ZFYVE9: variants seen among roughly 807,000 people sequenced by gnomAD.
ZFYVE9 encodes the protein zinc finger FYVE-type containing 9, also known as zinc finger FYVE domain-containing protein 9.
Under a neutral mutation model 126.7 loss-of-function variants are expected in ZFYVE9, and 43 were observed. That is an observed-to-expected ratio of 0.34 (90% confidence interval 0.27 to 0.44). The LOEUF is 0.44. ZFYVE9 is among the 20% of genes least tolerant of loss of function. ZFYVE9 has a pLI of 1.00. For missense variants in ZFYVE9, 1,476 were observed against 1,697.0 expected (o/e 0.87, Z 2.29); for synonymous variants, 521 against 597.4 (o/e 0.87, Z 1.87).
intron 1 of ZFYVE9, among the ~76,000 whole-genome samples, chr1:52,196,336 C>G (rs1461064981): frequency 6.6e-6 from 1 of 151,954 alleles, no homozygotes; most frequent in Non-Finnish European, 1.5e-5. Flanking sequence ...GTGTGAAGAT[C>G]AACACATTAT....
intron 1 of ZFYVE9, among the ~76,000 whole-genome samples, chr1:52,148,949 T>G (rs1463235626): frequency 2.4e-5 from 1 of 41,696 alleles, no homozygotes; most frequent in Admixed American, 2.9e-4. Context: ...TTAACATGAT[T>G]TTTTTTTTTT....
intron 1 of ZFYVE9, among the ~76,000 whole-genome samples, chr1:52,189,465 G>C (rs1236582820): frequency 2.0e-5 from 3 of 151,956 alleles, no homozygotes; most frequent in Admixed American, 2.0e-4. Flanking sequence ...TCTAACTCCT[G>C]ACCTCAAATG....
chr1:52,303,994 A>G, intron 13 of ZFYVE9, 69 bp downstream of exon 13: 3 of 1,027,258 alleles, frequency 2.9e-6, no homozygotes, highest in South Asian at 2.0e-5. Context: ...ATGCATGATT[A>G]TATATAAATT....
chr1:52,172,031 T>A (rs572339947), intron 1 of ZFYVE9, among the ~76,000 whole-genome samples: 2 of 152,222 alleles, frequency 1.3e-5, no homozygotes, highest in South Asian at 4.1e-4. Context: ...AATTTTGGCT[T>A]TTGTTGCCAT....
intron 1 of ZFYVE9, among the ~76,000 whole-genome samples, chr1:52,193,818 A>C (rs1349250895): frequency 1.3e-5 from 2 of 151,076 alleles, no homozygotes; most frequent in Non-Finnish European, 2.9e-5. Flanking sequence ...ACACACACAC[A>C]TGTGTCCAAG....
chr1:52,292,759 G>A (rs961415147), intron 10 of ZFYVE9, among the ~76,000 whole-genome samples: 18 of 151,922 alleles, frequency 1.2e-4, no homozygotes, highest in Middle Eastern at 3.2e-3. Context: ...GTGAGCCACC[G>A]CACCCGGCCT....
intron 11 of ZFYVE9, among the ~76,000 whole-genome samples, chr1:52,294,777 G>T (rs1645957180): frequency 1.3e-5 from 2 of 152,216 alleles, no homozygotes. Flanking sequence ...CAGGGAAAGG[G>T]AAGGATTGTG....
At chr1:52,173,607 A>T (rs1309114876) in intron 1 of ZFYVE9, among the ~76,000 whole-genome samples, 1 of 152,172 alleles carries the variant, frequency 6.6e-6, no homozygotes, top group Non-Finnish European at 1.5e-5. Flanking sequence ...CTCTGGTAGA[A>T]TTCGGCTGTG....
At chr1:52,165,729 C>A (rs1191513960) in intron 1 of ZFYVE9, among the ~76,000 whole-genome samples, 1 of 152,146 alleles carries the variant, frequency 6.6e-6, no homozygotes, top group East Asian at 1.9e-4. Context: ...ACTCTGGATT[C>A]TTCTGACAGA....
intron 4 of ZFYVE9, among the ~76,000 whole-genome samples, chr1:52,243,334 G>T (rs1176627522): frequency 6.6e-6 from 1 of 152,148 alleles, no homozygotes; most frequent in South Asian, 2.1e-4. Context: ...AAAAAATGGG[G>T]GTGGGAGAAG....
chr1:52,178,278 CAAAAAA>C lies in ZFYVE9; in HGVS notation c.-143+35895_-143+35900del, dbSNP rs78982846. Among the ~76,000 whole-genome samples the C allele has an allele frequency of 9.7e-4, 19 of 19,610 alleles. No homozygotes were observed. The East Asian group carries it at 0.02, about 21-fold the overall frequency. The allele number at this position is 19,610 out of a possible 152,430, so 12.9% of individuals were successfully genotyped here. ...TGGGTGACAGAGCAAGACTCCATCT[CAAAAAA>C]AAAAAAAAAAAAAAAAAAAGGTAGG... On this transcript the variant is annotated intron_variant, in intron 1 of 18. Transcript: ENST00000287727.
At chr1:52,295,841 T>C in intron 11 of ZFYVE9, 54 bp from the exon 12 acceptor site, 1 of 1,452,786 alleles carries the variant, frequency 6.9e-7, no homozygotes, top group Non-Finnish European at 9.6e-7. Context: ...GAAATCTCTT[T>C]TACCAAAGTT....
intron 13 of ZFYVE9, among the ~76,000 whole-genome samples, chr1:52,328,451 CTTG>C (rs1326232380): frequency 6.6e-6 from 1 of 152,116 alleles, no homozygotes; most frequent in Non-Finnish European, 1.5e-5. Flanking sequence ...AAACTCTGCT[CTTG>C]TTGTAACTGA....
At chr1:52,314,472 AAGAG>A (rs1486992505) in intron 13 of ZFYVE9, among the ~76,000 whole-genome samples, 1 of 152,226 alleles carries the variant, frequency 6.6e-6, no homozygotes, top group Non-Finnish European at 1.5e-5. Context: ...ACTTGAGGCC[AAGAG>A]TTCGAGACCA....
At chr1:52,343,933 A>G (rs1646462775) in intron 17 of ZFYVE9, among the ~76,000 whole-genome samples, 1 of 152,032 alleles carries the variant, frequency 6.6e-6, no homozygotes, top group African/African-American at 2.4e-5. Flanking sequence ...TTAGCCAGGC[A>G]TGGCGGCACA....
intron 4 of ZFYVE9, among the ~76,000 whole-genome samples, chr1:52,261,929 C>T (rs1322439510): frequency 2.6e-5 from 4 of 152,128 alleles, no homozygotes; most frequent in Non-Finnish European, 5.9e-5. Flanking sequence ...AGTAGTATTA[C>T]AGAGTAGTTA....
At chr1:52,197,921 C>T (rs912997752) in intron 1 of ZFYVE9, among the ~76,000 whole-genome samples, 1 of 151,998 alleles carries the variant, frequency 6.6e-6, no homozygotes, top group Non-Finnish European at 1.5e-5. Flanking sequence ...GTGGAACAAC[C>T]AGATGGAGAA....
intron 1 of ZFYVE9, among the ~76,000 whole-genome samples, chr1:52,176,732 A>C (rs930679756): frequency 6.6e-6 from 1 of 152,140 alleles, no homozygotes; most frequent in African/African-American, 2.4e-5. Context: ...GCCGCCTTGC[A>C]GTTTGATCTC....
At chr1:52,208,365 T>TAGTC (rs1644995901) in intron 1 of ZFYVE9, among the ~76,000 whole-genome samples, 1 of 152,212 alleles carries the variant, frequency 6.6e-6, no homozygotes, top group African/African-American at 2.4e-5. Flanking sequence ...TCCATTGCTG[T>TAGTC]AGTCACACTC....
Sources: allele counts gnomAD v4.1 joint callset (sites outside exome capture counted in the v4.1 genomes callset), GRCh38; gene constraint gnomAD v4.1.1; transcripts MANE v1.5; gene names NCBI Gene and HGNC (gene_info 2026-07-23, HGNC 2026-07-21).